The following SLC6A18 variants were observed in gnomAD, a reference collection of about 807,000 sequenced individuals.
SLC6A18 encodes the protein inactive sodium-dependent neutral amino acid transporter B(0)AT3.
A neutral mutation model predicts 62.9 loss-of-function variants in SLC6A18; 58 were observed. The ratio of observed to expected loss-of-function variants is 0.92; its 90% CI spans 0.75 to 1.15. The LOEUF (loss-of-function observed/expected upper bound fraction) is 1.15. SLC6A18 is among the 50% of genes most tolerant of loss of function. The pLI is 0.00. For synonymous variants in SLC6A18, 382 were observed against 365.8 expected, an observed-to-expected ratio of 1.04 and a Z score of -0.51; for missense variants, 793 against 836.6, an observed-to-expected ratio of 0.95 and a Z score of 0.64.
At chr5:1,244,911 A>G (rs1747180027) in intron 11 of SLC6A18, 144 bp downstream of exon 11, 1 of 990,864 alleles carries the variant, frequency 1.0e-6, no homozygotes, top group Admixed American at 2.9e-5. Context: ...TCTGCCTGGC[A>G]AACTGGGAAG....
In SLC6A18 at chr5:1,239,498, ATAT is replaced by A. The variant is rs761707924; in HGVS notation, c.783_785del (p.Phe263del). Reference sequence around the variant, plus strand: ...GGTGTGGCTGGACGCAGCCACCCAGATATTCTTCTCTCTGTCCCTGGCCTTCGG... The same window carrying A: ...GGTGTGGCTGGACGCAGCCACCCAGATCTTCTCTCTGTCCCTGGCCTTCGG... On this transcript the variant is annotated inframe_deletion, in exon 6 of 12. Coordinates refer to ENST00000324642, the MANE Select transcript of SLC6A18 (RefSeq NM_182632.3). 6.2e-6 allele frequency: 10 copies of A among 1,614,154 alleles called. No homozygotes were observed. In the East Asian group the frequency reaches 2.0e-4, roughly 32 times the overall value.
intron 5 of SLC6A18, among the ~76,000 whole-genome samples, chr5:1,238,856 G>A (rs1746970844): frequency 6.6e-6 from 1 of 152,196 alleles, no homozygotes; most frequent in African/African-American, 2.4e-5. Context: ...ACCCCATTGG[G>A]AAGCCACAGG....
chr5:1,231,917 G>A (rs951124531), intron 1 of SLC6A18, among the ~76,000 whole-genome samples: 4 of 152,162 alleles, frequency 2.6e-5, no homozygotes, highest in Admixed American at 6.5e-5. Flanking sequence ...CTCAGCAAAC[G>A]CAACACAGGG....
At position 1,241,814 on chromosome 5, in the gene SLC6A18, G is replaced by A. The variant is rs565145241; in HGVS notation, c.975-893G>A. Among the ~76,000 whole-genome samples the A allele has an allele frequency of 7.9e-5, 12 of 152,266 alleles. No individual in the cohort carries two copies. The highest frequency in any genetic ancestry group is 3.3e-4 in the Admixed American group (5 of 15,294). ...ACTGTAAAAGTGCGCAAATATTGAC[G>A]GGGTTACAAGCACATCTCAATGAGC... On this transcript the variant is annotated intron_variant, in intron 7 of 11. Transcript: ENST00000324642. The surrounding 1 kb of genome is among the most constrained non-coding windows in gnomAD (Gnocchi z 7.8).
At position 1,235,503 on chromosome 5, in the gene SLC6A18, C is replaced by A; in HGVS notation, c.462C>A (p.Gly154=). 1 of 1,613,976 alleles carries A rather than the reference C, an allele frequency of 6.2e-7. No individual in the cohort carries two copies. The highest frequency in any genetic ancestry group is 1.1e-5 in the South Asian group (1 of 91,088). Reference sequence around the variant, plus strand: ...CAGGGTTTGTGGAGGAGTGCCAGGGCAGCAGCGCCGTGAGCTACTTCTGGT... The same window carrying A: ...CAGGGTTTGTGGAGGAGTGCCAGGGAAGCAGCGCCGTGAGCTACTTCTGGT... ...NRTGFVEECQ[G]SSAVSYFWYR... Residue 154 remains glycine (G), a synonymous_variant, in exon 4 of 12, where the codon GGC becomes GGA. Transcript: ENST00000324642.
At position 1,225,539 on chromosome 5, in the gene SLC6A18, G is replaced by A. The variant is rs745790431; in HGVS notation, c.62G>A (p.Trp21Ter). The A allele has an allele frequency of 3.7e-6, 6 of 1,613,270 alleles. No individual in the cohort carries two copies. The highest frequency in any genetic ancestry group is 5.1e-6 in the Non-Finnish European group (6 of 1,179,458). Residue 21 changes from tryptophan (W) to a stop codon, truncating the protein, a stop_gained, in exon 1 of 12, where the codon TGG becomes TAG. Transcript: ENST00000324642. LOFTEE classifies it high-confidence loss of function. ...ACDLGDERPK[W>*]DNKAQYLLSC... The stretch of plus-strand genomic sequence containing the variant: ...GACCTCGGGGATGAGAGGCCCAAGT[G>A]GGACAACAAGGCCCAGTACCTCCTG...
chr5:1,232,021 C>T (rs1192905544), intron 1 of SLC6A18, among the ~76,000 whole-genome samples, 198 bp from the exon 2 acceptor site: 1 of 152,202 alleles, frequency 6.6e-6, no homozygotes, highest in Admixed American at 6.5e-5. Context: ...GATGAGAGGT[C>T]TCAGCAACCG....
At chr5:1,226,749 C>A (rs372726716) in intron 1 of SLC6A18, among the ~76,000 whole-genome samples, 1 of 152,144 alleles carries the variant, frequency 6.6e-6, no homozygotes, top group Non-Finnish European at 1.5e-5. Context: ...CTGAAAGCAC[C>A]AAAGCCCAAG....
intron 3 of SLC6A18, among the ~76,000 whole-genome samples, chr5:1,234,114 G>A (rs1746824251): frequency 6.6e-6 from 1 of 152,154 alleles, no homozygotes; most frequent in South Asian, 2.1e-4. Flanking sequence ...GAACCCTTGG[G>A]TTCAAGCGAT....
intron 11 of SLC6A18, among the ~76,000 whole-genome samples, chr5:1,245,172 G>A (rs186113778): frequency 5.9e-5 from 9 of 152,332 alleles, no homozygotes; most frequent in Non-Finnish European, 1.2e-4. Flanking sequence ...TCTGTGACAA[G>A]AGAGGTTGTG....
rs1446010915 is a variant in SLC6A18 at position 1,241,828 on chromosome 5, A to G, written c.975-879A>G. On this transcript the variant is annotated intron_variant, in intron 7 of 11. Coordinates refer to ENST00000324642, the MANE Select transcript of SLC6A18 (RefSeq NM_182632.3). This position sits in a 1 kb window ranked among gnomAD's most constrained non-coding sequence, Gnocchi z 7.8. ...CAAATATTGACGGGGTTACAAGCACATCTCAATGAGCAGGCGGATAAGGAC... is the reference window on the plus strand; with the variant it reads ...CAAATATTGACGGGGTTACAAGCACGTCTCAATGAGCAGGCGGATAAGGAC... Among the ~76,000 whole-genome samples the G allele has an allele frequency of 2.6e-5, 4 of 152,250 alleles. No individual in the cohort carries two copies. The highest frequency in any genetic ancestry group is 5.9e-5 in the Non-Finnish European group (4 of 68,044).
chr5:1,240,110 C>A (rs1381442614), intron 6 of SLC6A18, among the ~76,000 whole-genome samples: 1 of 152,026 alleles, frequency 6.6e-6, no homozygotes, highest in Non-Finnish European at 1.5e-5. Flanking sequence ...GAAGGAAGTG[C>A]CAGCTGGGAC....
chr5:1,228,246 G>A (rs940104936), intron 1 of SLC6A18, among the ~76,000 whole-genome samples: 6 of 152,146 alleles, frequency 3.9e-5, no homozygotes, highest in South Asian at 4.1e-4. Flanking sequence ...TACACTGCCC[G>A]GGGGGAGTTT....
intron 4 of SLC6A18, among the ~76,000 whole-genome samples, chr5:1,236,934 C>T (rs1183726741): frequency 6.6e-6 from 1 of 151,876 alleles, no homozygotes; most frequent in Non-Finnish European, 1.5e-5. Flanking sequence ...TTATAAAGGC[C>T]CTTAAAAATG....
Position 1,240,559 on chromosome 5 carries a change from A to G in SLC6A18, c.874A>G (p.Ile292Val). The G allele has an allele frequency of 6.2e-7, 1 of 1,614,098 alleles. No individual in the cohort carries two copies. The highest frequency in any genetic ancestry group is 8.5e-7 in the Non-Finnish European group (1 of 1,179,996). Residue 292 changes from isoleucine (I) to valine (V), a missense_variant, in exon 7 of 12, where the codon ATC (isoleucine) becomes GTC (valine). Ile to Val is a conservative substitution (Grantham distance 29). Coordinates refer to ENST00000324642, the MANE Select transcript of SLC6A18 (RefSeq NM_182632.3). ...RNDCQKDAVV[I>V]ALVNRMTSLY... ...TGACTGCCAGAAGGATGCGGTGGTC[A>G]TCGCCCTGGTCAACAGGATGACCTC...
chr5:1,233,006 G>A (rs746887191), intron 3 of SLC6A18, 118 bp downstream of exon 3: 13 of 1,430,706 alleles, frequency 9.1e-6, no homozygotes, highest in South Asian at 4.1e-5. Context: ...GGGGAGGGCC[G>A]GGGAACCGGT....
At position 1,235,639 on chromosome 5, in the gene SLC6A18, A is replaced by G; in HGVS notation, c.598A>G (p.Arg200Gly). 6.2e-7 allele frequency: 1 copy of G among 1,613,920 alleles called. No individual in the cohort carries two copies. Among genetic ancestry groups the G allele is most frequent in the Non-Finnish European group, 8.5e-7 (1 of 1,179,980 alleles). The change falls in exon 4 of 12, where the codon AGG becomes GGG. Residue 200 changes from arginine to glycine, a missense_variant. By Grantham distance (125) the Arg-to-Gly change is moderately radical. Transcript: ENST00000324642. Reference sequence around the variant, plus strand: ...GGCAGTCGTGTACATGTGTGTCATCAGGGGCATTGAGACTACAGGGAAGGT... The same window carrying G: ...GGCAGTCGTGTACATGTGTGTCATCGGGGGCATTGAGACTACAGGGAAGGT... The part of the protein sequence containing the change: ...SWAVVYMCVI[R>G]GIETTGKVIY...
At chr5:1,238,467 G>C (rs77993834) in intron 5 of SLC6A18, among the ~76,000 whole-genome samples, 32 of 52,430 alleles carry the variant, frequency 6.1e-4, no homozygotes, top group Non-Finnish European at 9.5e-4. Context: ...TCAGGAAAGA[G>C]GTCAGGTTTG....
intron 1 of SLC6A18, among the ~76,000 whole-genome samples, chr5:1,230,269 C>T (rs1172779308): frequency 5.9e-5 from 9 of 152,154 alleles, no homozygotes; most frequent in Admixed American, 1.3e-4. Context: ...GGGTGTCCCC[C>T]CATTCACATG....
Sources: allele counts gnomAD v4.1 joint callset (sites outside exome capture counted in the v4.1 genomes callset), GRCh38; gene constraint gnomAD v4.1.1; non-coding constraint Gnocchi (gnomAD v3.1); transcripts MANE v1.5; gene names NCBI Gene and HGNC (gene_info 2026-07-23, HGNC 2026-07-21).